TLL1: variants seen among roughly 807,000 people sequenced by gnomAD.
TLL1 encodes tolloid-like protein 1.
A neutral mutation model predicts 128.2 loss-of-function variants in TLL1; 49 were observed. The observed-to-expected ratio is 0.38, with a 90% CI of 0.30 to 0.48. The LOEUF (loss-of-function observed/expected upper bound fraction) is 0.48, where lower values mean the gene tolerates loss of function less well. Ranked by LOEUF, TLL1 falls within the 20% of genes least tolerant of loss-of-function variation. The pLI is 0.96. For missense variants in TLL1, 1,123 were observed against 1,242.0 expected, an observed-to-expected ratio of 0.90 and a Z score of 1.44; for synonymous variants, 454 against 418.8, an observed-to-expected ratio of 1.08 and a Z score of -1.03.
chr4:166,003,856 C>T (rs552940065), intron 6 of TLL1, among the ~76,000 whole-genome samples: 2 of 151,698 alleles, frequency 1.3e-5, no homozygotes, highest in Non-Finnish European at 2.9e-5. Flanking sequence ...GCTATTGAGC[C>T]ATAAATTAAT....
intron 1 of TLL1, 116 bp downstream of exon 1, chr4:165,874,189 G>A (rs1279743755): frequency 3.1e-6 from 4 of 1,280,090 alleles, no homozygotes; most frequent in Admixed American, 1.7e-5. Flanking sequence ...CCCCTCCGCC[G>A]CCCCTCCTTC....
chr4:166,020,548 T>C (rs1415765774), intron 8 of TLL1, among the ~76,000 whole-genome samples: 3 of 152,302 alleles, frequency 2.0e-5, no homozygotes, highest in East Asian at 1.9e-4. Context: ...GTCCCCTTTT[T>C]CTATGATTCT....
intron 1 of TLL1, among the ~76,000 whole-genome samples, chr4:165,937,325 T>C (rs1733810819): frequency 6.6e-6 from 1 of 152,186 alleles, no homozygotes; most frequent in Non-Finnish European, 1.5e-5. Context: ...TTTATTTCAC[T>C]TTGGCTCTCA....
chr4:165,988,943 A>T (rs1736509823), intron 1 of TLL1, among the ~76,000 whole-genome samples: 1 of 152,134 alleles, frequency 6.6e-6, no homozygotes, highest in African/African-American at 2.4e-5. Flanking sequence ...TTATAAAATT[A>T]TCTTAGTTTA....
intron 1 of TLL1, among the ~76,000 whole-genome samples, chr4:165,967,254 A>T (rs1056241464): frequency 6.6e-6 from 1 of 152,180 alleles, no homozygotes; most frequent in Non-Finnish European, 1.5e-5. Flanking sequence ...CCCAGATTTC[A>T]TATTGTTCAA....
intron 9 of TLL1, among the ~76,000 whole-genome samples, chr4:166,025,919 A>C (rs1411641088): frequency 6.6e-6 from 1 of 152,184 alleles, no homozygotes; most frequent in Non-Finnish European, 1.5e-5. Context: ...TGAAATTCAG[A>C]CCTCAAACTA....
chr4:166,077,101 A>G (rs1741068599), intron 17 of TLL1, among the ~76,000 whole-genome samples: 1 of 152,176 alleles, frequency 6.6e-6, no homozygotes, highest in African/African-American at 2.4e-5. Flanking sequence ...CCCAGTCTAA[A>G]CAAGGTTGTA....
intron 1 of TLL1, among the ~76,000 whole-genome samples, chr4:165,966,967 G>A (rs868459959): frequency 2.0e-5 from 3 of 152,268 alleles, no homozygotes; most frequent in Middle Eastern, 3.4e-3. Context: ...TAACAGGCCT[G>A]GGGGCGCTAC....
chr4:166,093,678 C>T (rs1741888078), intron 19 of TLL1, among the ~76,000 whole-genome samples: 2 of 152,162 alleles, frequency 1.3e-5, no homozygotes, highest in Non-Finnish European at 1.5e-5. Context: ...AGGCCTTTCT[C>T]ATCCCACGAT....
chr4:165,982,758 T>C (rs1388647657), intron 1 of TLL1, among the ~76,000 whole-genome samples: 1 of 147,412 alleles, frequency 6.8e-6, no homozygotes, highest in African/African-American at 2.5e-5. Flanking sequence ...AAAAGCAAAT[T>C]TGCATGAACT....
At chr4:165,877,610 G>C (rs897675097) in intron 1 of TLL1, among the ~76,000 whole-genome samples, 1 of 152,184 alleles carries the variant, frequency 6.6e-6, no homozygotes, top group Non-Finnish European at 1.5e-5. Flanking sequence ...GGCAAATTTA[G>C]TTTGTAAGTT....
chr4:165,874,073 G>T lies in TLL1; in HGVS notation c.169G>T (p.Ala57Ser). 6.2e-7 allele frequency: 1 copy of T among 1,614,086 alleles called. No homozygotes were observed. The highest frequency in any genetic ancestry group is 1.1e-5 in the South Asian group (1 of 91,068). The change falls in exon 1 of 21, where the codon GCT becomes TCT. Residue 57 changes from alanine (A) to serine (S), a missense_variant and splice_region_variant. By Grantham distance (99) the Ala-to-Ser change is moderately conservative. Around this residue, in one of 3 missense-constraint regions of TLL1, gnomAD observed 480 missense variants for 542.4 expected, o/e 0.89. Coordinates refer to ENST00000061240, the MANE Select transcript of TLL1 (RefSeq NM_012464.5). ...AGATTACAAGGACCCGTGTAAAGCC[G>T]GTAAGTGGCTCTCCAGGTTGGGACG... ...TIDYKDPCKA[A>S]VFWGDIALDD...
chr4:165,913,169 T>A (rs964682245), intron 1 of TLL1, among the ~76,000 whole-genome samples: 1 of 152,206 alleles, frequency 6.6e-6, no homozygotes, highest in Admixed American at 6.5e-5. Flanking sequence ...TAGTACATGA[T>A]AGTTTGTTAT....
At chr4:165,948,866 A>C (rs1021200055) in intron 1 of TLL1, among the ~76,000 whole-genome samples, 10 of 152,070 alleles carry the variant, frequency 6.6e-5, no homozygotes, top group African/African-American at 2.4e-4. Context: ...GAGGGGCTTG[A>C]ATCTTTGAGG....
intron 4 of TLL1, 53 bp downstream of exon 4, chr4:165,994,586 A>G: frequency 6.3e-7 from 1 of 1,591,272 alleles, no homozygotes; most frequent in Non-Finnish European, 8.6e-7. Context: ...ACTATCATAC[A>G]GATTAAGTGT....
At chr4:166,086,813 G>A (rs995593297) in intron 18 of TLL1, among the ~76,000 whole-genome samples, 1 of 152,178 alleles carries the variant, frequency 6.6e-6, no homozygotes, top group African/African-American at 2.4e-5. Context: ...GAATAAATTT[G>A]TGTTGTTTTA....
chr4:165,976,139 A>T (rs563144669), intron 1 of TLL1, among the ~76,000 whole-genome samples: 30 of 151,982 alleles, frequency 2.0e-4, no homozygotes, highest in African/African-American at 7.0e-4. Flanking sequence ...TAAAACACAC[A>T]TACACACACA....
chr4:165,944,159 T>C (rs1348461155), intron 1 of TLL1, among the ~76,000 whole-genome samples: 1 of 152,172 alleles, frequency 6.6e-6, no homozygotes, highest in East Asian at 1.9e-4. Flanking sequence ...ATTAAAGTTA[T>C]TTTTGTACAT....
intron 5 of TLL1, among the ~76,000 whole-genome samples, chr4:165,999,174 G>A (rs1737033153): frequency 6.6e-6 from 1 of 152,012 alleles, no homozygotes; most frequent in African/African-American, 2.4e-5. Flanking sequence ...ACCACTGCCC[G>A]TTACCCAGTT....
Sources: allele counts gnomAD v4.1 joint callset (sites outside exome capture counted in the v4.1 genomes callset), GRCh38; gene constraint gnomAD v4.1.1; regional missense constraint gnomAD v4.1.1; transcripts MANE v1.5; gene names NCBI Gene and HGNC (gene_info 2026-07-23, HGNC 2026-07-21).